MAML3: variants seen among roughly 807,000 people sequenced by gnomAD.
The protein encoded by MAML3 is mastermind-like protein 3.
In MAML3, 27 loss-of-function variants were observed where a neutral mutation model predicts 101.9. The observed-to-expected ratio is 0.27, with a 90% CI of 0.20 to 0.37. The LOEUF (loss-of-function observed/expected upper bound fraction) is 0.37. Among genes scored for constraint, MAML3 ranks in the 10% least tolerant of loss-of-function variants. The probability of loss-of-function intolerance (pLI) is 1.00; values close to 1 mark genes in which losing one functional copy is unlikely to be tolerated. For missense variants in MAML3, 1,316 were observed against 1,444.9 expected, an observed-to-expected ratio of 0.91 and a Z score of 1.45; for synonymous variants, 501 against 555.9, an observed-to-expected ratio of 0.90 and a Z score of 1.39.
chr4:139,720,047 T>C lies in MAML3; in HGVS notation c.2693A>G (p.Gln898Arg), dbSNP rs773601556. Residue 898 changes from glutamine to arginine, a missense_variant, in exon 5 of 5, where the codon CAG becomes CGG. By Grantham distance (43) the Gln-to-Arg change is conservative (BLOSUM62 1). Transcript: ENST00000509479. ...SGMSITHNQA[Q>R]GPRQPASGQG... ...CCCAGAGGCAGGTTGCCTCGGTCCC[T>C]GGGCTTGGTTATGTGTGATGCTCAT... is the stretch of plus-strand genomic sequence containing the variant. The C allele has an allele frequency of 1.2e-6, 2 of 1,614,094 alleles. No homozygotes were observed. The highest frequency in any genetic ancestry group is 3.3e-5 in the Admixed American group (2 of 60,032).
chr4:139,880,263 T>C (rs1223320839), intron 2 of MAML3, among the ~76,000 whole-genome samples: 1 of 152,164 alleles, frequency 6.6e-6, no homozygotes, highest in East Asian at 1.9e-4. Flanking sequence ...CTGCTTTCTC[T>C]TAGCCTCATA....
chr4:140,011,233 CATATAT>C lies in MAML3; in HGVS notation c.469-120272_469-120267del, dbSNP rs70943468. 1.1e-4 allele frequency among the ~76,000 whole-genome samples: 13 copies of C among 119,926 alleles called. 1 individual carries two copies. The highest frequency in any genetic ancestry group is 1.6e-4 in the Non-Finnish European group (9 of 55,646). 78.7% of individuals were successfully genotyped at this position (119,926 alleles called of 152,430 possible). A position where few individuals can be genotyped will look rare whatever the true frequency, so the allele number is the denominator to read the frequency against. Reference sequence around the variant, plus strand: ...TATTTTGTTATATATATAAAGTGTGCATATATATATATATATATATGACAAACAGAC... The same window carrying C: ...TATTTTGTTATATATATAAAGTGTGCATATATATATATATGACAAACAGAC... On this transcript the variant is annotated intron_variant, in intron 1 of 4. Coordinates refer to ENST00000509479, the MANE Select transcript of MAML3 (RefSeq NM_018717.5).
intron 1 of MAML3, among the ~76,000 whole-genome samples, chr4:140,069,802 C>T (rs1371241383): frequency 1.3e-5 from 2 of 151,076 alleles, no homozygotes; most frequent in Non-Finnish European, 2.9e-5. Context: ...GGAGAAAGAT[C>T]GAACTGGAGT....
chr4:139,747,550 C>T (rs1050054845), intron 2 of MAML3, among the ~76,000 whole-genome samples: 10 of 151,760 alleles, frequency 6.6e-5, no homozygotes, highest in Non-Finnish European at 1.5e-4. Flanking sequence ...AAAAATTAGC[C>T]GGCTGTGGTG....
chr4:140,097,415 T>A (rs1300614638), intron 1 of MAML3, among the ~76,000 whole-genome samples: 1 of 152,126 alleles, frequency 6.6e-6, no homozygotes, highest in Non-Finnish European at 1.5e-5. Flanking sequence ...TTTGTTCGAG[T>A]TGTTACAGTC....
intron 1 of MAML3, among the ~76,000 whole-genome samples, chr4:139,962,630 G>T (rs1015195954): frequency 2.6e-5 from 4 of 152,164 alleles, no homozygotes; most frequent in Non-Finnish European, 5.9e-5. Context: ...TAGGGATAGG[G>T]TATTTGAGAA....
At chr4:139,952,349 G>C (rs1325673045) in intron 1 of MAML3, among the ~76,000 whole-genome samples, 2 of 152,076 alleles carry the variant, frequency 1.3e-5, no homozygotes, top group Non-Finnish European at 2.9e-5. Flanking sequence ...GGGTCTCTCT[G>C]TCCAGAGATA....
At chr4:139,825,191 GA>G (rs1213275273) in intron 2 of MAML3, among the ~76,000 whole-genome samples, 6 of 152,036 alleles carry the variant, frequency 3.9e-5, no homozygotes, top group South Asian at 4.2e-4. Flanking sequence ...AGAATAATGG[GA>G]AAAAAATTAG....
chr4:139,982,626 A>G (rs1734463888), intron 1 of MAML3, among the ~76,000 whole-genome samples: 1 of 152,210 alleles, frequency 6.6e-6, no homozygotes, highest in African/African-American at 2.4e-5. Context: ...AGTTTATACC[A>G]TATGATACTT....
In MAML3 at chr4:139,717,605, C is replaced by T. The variant is rs75565018; in HGVS notation, c.*1718G>A. The T allele has an allele frequency of 0.012, 1,867 of 152,668 alleles. 44 individuals carry two copies. Among genetic ancestry groups the T allele is most frequent in the African/African-American group, 0.042 (1,743 of 41,578 alleles). The allele number at this position is 152,668 out of a possible 1,614,324, so 9.5% of individuals were successfully genotyped here. ...CAAGTCAAAGGCAATGTTTGCCTGC[C>T]GCCTCCTCTCCAAAAACACCTCTGC... On this transcript the variant is annotated 3_prime_UTR_variant, in exon 5 of 5. Transcript: ENST00000509479.
In MAML3 at chr4:139,719,249, G is replaced by T; in HGVS notation, c.*74C>A. ...GGTCAAAAAAACAAAAAACAAGGAT[G>T]GGTCAACATCCTGTTTCTTTTTCAC... On this transcript the variant is annotated 3_prime_UTR_variant, in exon 5 of 5. Coordinates refer to ENST00000509479, the MANE Select transcript of MAML3 (RefSeq NM_018717.5). 1.3e-6 allele frequency: 2 copies of T among 1,484,532 alleles called. No individual in the cohort carries two copies. Among genetic ancestry groups the T allele is most frequent in the East Asian group, 2.3e-5 (1 of 43,080 alleles). The allele number at this position is 1,484,532 out of a possible 1,614,324, so 92.0% of individuals were successfully genotyped here.
At chr4:139,899,871 G>A (rs535392986) in intron 1 of MAML3, among the ~76,000 whole-genome samples, 38 of 152,252 alleles carry the variant, frequency 2.5e-4, no homozygotes, top group African/African-American at 8.7e-4. Context: ...CCCAGAATGC[G>A]GCTTCCCTGT....
chr4:140,012,671 C>A (rs1452589175), intron 1 of MAML3, among the ~76,000 whole-genome samples: 1 of 152,206 alleles, frequency 6.6e-6, no homozygotes, highest in African/African-American at 2.4e-5. Flanking sequence ...AAAATCTGTA[C>A]CTTTTTACCC....
chr4:139,942,156 C>A (rs990556129), intron 1 of MAML3, among the ~76,000 whole-genome samples: 4 of 145,796 alleles, frequency 2.7e-5, no homozygotes, highest in Non-Finnish European at 4.5e-5. Flanking sequence ...GAAGGAAGGA[C>A]GGAGGGAGGG....
chr4:140,018,944 A>C (rs1255523973), intron 1 of MAML3, among the ~76,000 whole-genome samples: 3 of 83,258 alleles, frequency 3.6e-5, no homozygotes, highest in East Asian at 7.5e-4. Flanking sequence ...ACTTAAAAAT[A>C]AATGAAGTCT....
At chr4:139,761,774 C>T (rs927434675) in intron 2 of MAML3, among the ~76,000 whole-genome samples, 3 of 152,104 alleles carry the variant, frequency 2.0e-5, no homozygotes, top group South Asian at 2.1e-4. Flanking sequence ...ACGGGGGACT[C>T]TGGAATCACA....
chr4:139,801,884 G>A (rs1355026391), intron 2 of MAML3, among the ~76,000 whole-genome samples: 1 of 152,186 alleles, frequency 6.6e-6, no homozygotes, highest in Non-Finnish European at 1.5e-5. Context: ...GCAGGCTGCT[G>A]TATAAGTCTA....
chr4:139,830,438 G>A (rs1387730907), intron 2 of MAML3, among the ~76,000 whole-genome samples: 5 of 123,762 alleles, frequency 4.0e-5, no homozygotes, highest in South Asian at 2.4e-4. Flanking sequence ...TTTTTGAGAC[G>A]GAGTCTCGCT....
intron 2 of MAML3, among the ~76,000 whole-genome samples, chr4:139,747,714 C>G (rs1272453976): frequency 5.4e-5 from 8 of 148,844 alleles, no homozygotes; most frequent in Non-Finnish European, 1.0e-4. Flanking sequence ...AAAAAAAATT[C>G]CTTGCACACA....
Sources: allele counts gnomAD v4.1 joint callset (sites outside exome capture counted in the v4.1 genomes callset), GRCh38; gene constraint gnomAD v4.1.1; transcripts MANE v1.5; gene names NCBI Gene and HGNC (gene_info 2026-07-23, HGNC 2026-07-21).